The following DMD variants were observed in gnomAD, a reference collection of about 807,000 sequenced individuals.
DMD encodes the protein mutant dystrophin.
Under a neutral mutation model 330.1 loss-of-function variants are expected in DMD, and 63 were observed. The ratio of observed to expected loss-of-function variants is 0.19; its 90% CI spans 0.16 to 0.24. The LOEUF (loss-of-function observed/expected upper bound fraction) is 0.24. DMD is among the 10% of genes least tolerant of loss of function. The pLI is 1.00. For synonymous variants in DMD, 1,223 were observed against 959.8 expected (o/e 1.27, Z -5.07); for missense variants, 3,344 against 2,684.1 (o/e 1.25, Z -5.43).
At chrX:31,382,855 C>G (rs2060251003) in intron 60 of DMD, among the ~76,000 whole-genome samples, 1 of 110,840 alleles carries the variant, frequency 9.0e-6, no homozygotes, top group Admixed American at 9.7e-5. Flanking sequence ...CGAAAATTTT[C>G]GCCGCCCCAA....
At chrX:33,107,322 C>T (rs5972754) in intron 1 of DMD, among the ~76,000 whole-genome samples, 12 of 79,343 alleles carry the variant, frequency 1.5e-4, no homozygotes, top group Admixed American at 4.0e-4. Flanking sequence ...CCCCCCCCCC[C>T]CCAACACACA....
intron 17 of DMD, among the ~76,000 whole-genome samples, chrX:32,529,440 C>A: frequency 1.4e-5 from 1 of 72,559 alleles, no homozygotes; most frequent in Non-Finnish European, 2.4e-5. Context: ...ATTCTATCAC[C>A]CAGGCTGGAG....
At chrX:32,045,389 T>C (rs1254413478) in intron 44 of DMD, among the ~76,000 whole-genome samples, 1 of 103,789 alleles carries the variant, frequency 9.6e-6, no homozygotes, top group African/African-American at 3.6e-5. Flanking sequence ...CCCTGGCTTC[T>C]GCTCTGGCCA....
At position 33,093,034 on chromosome X, in the gene DMD, C is replaced by T. The variant is rs184848177; in HGVS notation, c.32-72834G>A. On this transcript the variant is annotated intron_variant, in intron 1 of 78. Coordinates refer to ENST00000357033, the MANE Select transcript of DMD (RefSeq NM_004006.3). ...GATTATAGGTGCCCGCCACCACGTC[C>T]GGCTAATTTTTTGTATTTAAAGCAG... Among the ~76,000 whole-genome samples the T allele has an allele frequency of 1.1e-3, 116 of 110,457 alleles. 1 individual carries two copies. The highest frequency in any genetic ancestry group is 3.5e-3 in the African/African-American group (106 of 30,385).
At position 31,858,136 on chromosome X, in the gene DMD, T is replaced by C. The variant is rs976914159; in HGVS notation, c.7098+17052A>G. On this transcript the variant is annotated intron_variant, in intron 48 of 78. Coordinates refer to ENST00000357033, the MANE Select transcript of DMD (RefSeq NM_004006.3). ...GGTACTTATATAAAATAGAATTGTA[T>C]TTGTTAATTAGAATCATAATATACT... Among the ~76,000 whole-genome samples the C allele has an allele frequency of 3.6e-5, 4 of 111,528 alleles. No homozygotes were observed. The Admixed American group carries it at 3.8e-4, about 11-fold the overall frequency.
At chrX:33,003,908 A>T (rs770482605) in intron 2 of DMD, among the ~76,000 whole-genome samples, 59 of 112,562 alleles carry the variant, frequency 5.2e-4, no homozygotes, top group African/African-American at 1.8e-3. Context: ...TGATACTACA[A>T]TCAGTAATAT....
At chrX:31,631,305 C>A (rs2079121826) in intron 54 of DMD, among the ~76,000 whole-genome samples, 1 of 111,005 alleles carries the variant, frequency 9.0e-6, no homozygotes, top group Non-Finnish European at 1.9e-5. Context: ...CTGACCCCAG[C>A]TGCTGGTAGT....
intron 1 of DMD, among the ~76,000 whole-genome samples, chrX:33,160,076 G>A (rs1406239097): frequency 2.7e-5 from 3 of 111,412 alleles, no homozygotes; most frequent in Non-Finnish European, 3.8e-5. Context: ...GTACAGTACT[G>A]AATAAAAGAT....
intron 44 of DMD, among the ~76,000 whole-genome samples, chrX:32,074,726 G>C (rs1257387786): frequency 9.1e-6 from 1 of 109,899 alleles, no homozygotes; most frequent in Non-Finnish European, 1.9e-5. Context: ...AAGAAAAAAG[G>C]CTTCTGACTC....
intron 1 of DMD, among the ~76,000 whole-genome samples, chrX:33,293,027 T>C (rs1434942336): frequency 1.8e-5 from 2 of 111,900 alleles, no homozygotes; most frequent in Non-Finnish European, 3.8e-5. Flanking sequence ...TGCTTCATAG[T>C]GGCCTTCCCT....
chrX:32,445,066 A>T lies in DMD; in HGVS notation c.3786+3390T>A, dbSNP rs185958472. Among the ~76,000 whole-genome samples the T allele has an allele frequency of 1.7e-4, 19 of 111,850 alleles. No homozygotes were observed. The East Asian group carries it at 5.1e-3, about 30-fold the overall frequency. On this transcript the variant is annotated intron_variant, in intron 27 of 78. Transcript: ENST00000357033. Reference sequence around the variant, plus strand: ...AGGGCATCACTAAAGCATTGGTTAAAAAGACATAATATTCAAGAGCAGTTT... The same window carrying T: ...AGGGCATCACTAAAGCATTGGTTAATAAGACATAATATTCAAGAGCAGTTT...
At chrX:31,771,547 G>A (rs930635857) in intron 51 of DMD, among the ~76,000 whole-genome samples, 17 of 108,654 alleles carry the variant, frequency 1.6e-4, no homozygotes, top group Non-Finnish European at 2.7e-4. Flanking sequence ...CTGTCACTCA[G>A]TCTGGAGTGC....
intron 18 of DMD, among the ~76,000 whole-genome samples, chrX:32,513,460 T>C (rs1022460674): frequency 8.9e-6 from 1 of 111,952 alleles, no homozygotes; most frequent in Non-Finnish European, 1.9e-5. Context: ...TAATCAGGGT[T>C]TTGGTGATGG....
rs1491554721 is a variant in DMD, at chrX:31,517,963, A to ACC, written c.8218-10512_8218-10511dup. On this transcript the variant is annotated intron_variant, in intron 55 of 78. Coordinates refer to ENST00000357033, the MANE Select transcript of DMD (RefSeq NM_004006.3). ...CACACACACACACACACACACACACACCTTGGGGCCAAATAAATTAGAATG... is the reference window on the plus strand; with the variant it reads ...CACACACACACACACACACACACACACCCCTTGGGGCCAAATAAATTAGAATG... Among the ~76,000 whole-genome samples, 102 of 95,846 alleles carry ACC rather than the reference A, an allele frequency of 1.1e-3. 1 individual carries two copies. Among genetic ancestry groups the ACC allele is most frequent in the Admixed American group, 1.1e-3 (10 of 8,881 alleles). 83.2% of individuals were successfully genotyped at this position (95,846 alleles called of 115,157 possible).
At position 32,020,038 on chromosome X, in the gene DMD, G is replaced by A. The variant is rs184464165; in HGVS notation, c.6439-51524C>T. The stretch of plus-strand genomic sequence containing the variant: ...CAAGGAAAGGGTTTGTAGTTCTATT[G>A]CATAAGGCTTTGAAATTCACTAGTA... On this transcript the variant is annotated intron_variant, in intron 44 of 78. Transcript: ENST00000357033. Among the ~76,000 whole-genome samples, 9 of 112,777 alleles carry A rather than the reference G, an allele frequency of 8.0e-5. No homozygotes were observed. The East Asian group carries it at 2.5e-3, about 32-fold the overall frequency.
At chrX:31,757,128 G>A (rs1041916664) in intron 51 of DMD, among the ~76,000 whole-genome samples, 4 of 110,766 alleles carry the variant, frequency 3.6e-5, no homozygotes, top group Non-Finnish European at 5.7e-5. Context: ...TATATATGTG[G>A]TGTGTGTTTC....
intron 2 of DMD, among the ~76,000 whole-genome samples, chrX:32,923,988 C>A (rs2088716788): frequency 9.0e-6 from 1 of 111,472 alleles, no homozygotes; most frequent in African/African-American, 3.3e-5. Flanking sequence ...CATTTAAGTA[C>A]CTGAATAATG....
intron 55 of DMD, among the ~76,000 whole-genome samples, chrX:31,522,349 C>CTATATA (rs2072857922): frequency 1.5e-5 from 1 of 65,969 alleles, no homozygotes; most frequent in African/African-American, 8.0e-5. Context: ...CTCTCTCTCT[C>CTATATA]TCTCTCTCTC....
intron 29 of DMD, among the ~76,000 whole-genome samples, chrX:32,435,613 T>C (rs1212852834): frequency 1.8e-5 from 2 of 110,545 alleles, no homozygotes; most frequent in African/African-American, 6.6e-5. Context: ...CACGGGAACA[T>C]TTCTCCCCTT....
Sources: allele counts gnomAD v4.1 joint callset (sites outside exome capture counted in the v4.1 genomes callset), GRCh38; gene constraint gnomAD v4.1.1; transcripts MANE v1.5; gene names NCBI Gene and HGNC (gene_info 2026-07-23, HGNC 2026-07-21).